UBE4B: variants seen among roughly 807,000 people sequenced by gnomAD.
The protein encoded by UBE4B is ubiquitination factor E4B.
In UBE4B, 27 loss-of-function variants were observed where a neutral mutation model predicts 148.1. The observed-to-expected ratio is 0.18, with a 90% confidence interval of 0.13 to 0.25. UBE4B has a LOEUF of 0.25. Among genes scored for constraint, UBE4B ranks in the 10% least tolerant of loss-of-function variants. UBE4B has a pLI of 1.00. For missense variants in UBE4B, 1,170 were observed against 1,662.4 expected (o/e 0.70, Z 5.15); for synonymous variants, 596 against 619.3 (o/e 0.96, Z 0.56).
At chr1:10,142,167 C>A (rs149425040) in intron 17 of UBE4B, among the ~76,000 whole-genome samples, 9 of 152,216 alleles carry the variant, frequency 5.9e-5, no homozygotes, top group South Asian at 2.1e-4. Flanking sequence ...TACCAGTGTT[C>A]CATCCTCAAA....
In UBE4B at chr1:10,033,583, T is replaced by TA; in HGVS notation, c.-87dup. On this transcript the variant is annotated 5_prime_UTR_variant, in exon 1 of 28. Coordinates refer to ENST00000343090, the MANE Select transcript of UBE4B (RefSeq NM_001105562.3). The stretch of plus-strand genomic sequence containing the variant: ...CCATTCGGGGGACCAGACAGCCTGA[T>TA]AGACACCTTCCACTCTCCTTCCTCC... 1 of 1,415,114 alleles carries TA rather than the reference T, an allele frequency of 7.1e-7. No individual in the cohort carries two copies. The highest frequency in any genetic ancestry group is 9.3e-7 in the Non-Finnish European group (1 of 1,070,190). 87.7% of individuals were successfully genotyped at this position (1,415,114 alleles called of 1,614,324 possible).
intron 3 of UBE4B, among the ~76,000 whole-genome samples, chr1:10,096,836 C>T (rs1388186119): frequency 6.6e-6 from 1 of 151,994 alleles, no homozygotes; most frequent in Non-Finnish European, 1.5e-5. Context: ...GCCAGGAGTT[C>T]AAGACCAACC....
chr1:10,180,107 T>C lies in UBE4B; in HGVS notation c.*151T>C. Reference sequence around the variant, plus strand: ...CCCAGAGCGAGCAAACGCTGAGACCTGAAAGGACATGGATGAGAAGAGGAG... The same window carrying C: ...CCCAGAGCGAGCAAACGCTGAGACCCGAAAGGACATGGATGAGAAGAGGAG... On this transcript the variant is annotated 3_prime_UTR_variant, in exon 28 of 28. Coordinates refer to ENST00000343090, the MANE Select transcript of UBE4B (RefSeq NM_001105562.3). 1.2e-6 allele frequency: 1 copy of C among 821,532 alleles called. No homozygotes were observed. Among genetic ancestry groups the C allele is most frequent in the East Asian group, 2.5e-5 (1 of 39,292 alleles). The allele number at this position is 821,532 out of a possible 1,614,324, so 50.9% of individuals were successfully genotyped here.
At position 10,149,281 on chromosome 1, in the gene UBE4B, C is replaced by T; in HGVS notation, c.2689C>T (p.Gln897Ter). ...TGCAGAATTTTTATTTTTTATTGTA[C>T]AGTAAGTGCCTTTAATATTTTACAT... ...DVAEFLFFIV[Q>*]YSPQALYEPC... Residue 897 changes from glutamine (Q) to a stop codon, truncating the protein, a stop_gained and splice_region_variant, in exon 20 of 28, where the codon CAA (glutamine) becomes TAA (stop). Transcript: ENST00000343090. LOFTEE classifies it high-confidence loss of function. 1 of 1,594,114 alleles carries T rather than the reference C, an allele frequency of 6.3e-7. No individual in the cohort carries two copies. Among genetic ancestry groups the T allele is most frequent in the Non-Finnish European group, 8.5e-7 (1 of 1,170,492 alleles).
At chr1:10,141,912 A>G (rs1258099548) in intron 17 of UBE4B, among the ~76,000 whole-genome samples, 1 of 152,226 alleles carries the variant, frequency 6.6e-6, no homozygotes, top group Non-Finnish European at 1.5e-5. Flanking sequence ...TAAGAGGTCC[A>G]GCAAAGTTAT....
intron 1 of UBE4B, among the ~76,000 whole-genome samples, chr1:10,035,309 T>C (rs1323385127): frequency 6.6e-6 from 1 of 150,838 alleles, no homozygotes; most frequent in South Asian, 2.1e-4. Flanking sequence ...TTTTATGTGG[T>C]TTTTTAAAAG....
intron 23 of UBE4B, among the ~76,000 whole-genome samples, chr1:10,162,497 G>A (rs554560960): frequency 1.3e-5 from 2 of 151,400 alleles, no homozygotes; most frequent in South Asian, 2.1e-4. Flanking sequence ...TAGTAGTGAC[G>A]GGGTTTCACC....
intron 3 of UBE4B, among the ~76,000 whole-genome samples, chr1:10,099,696 T>C (rs1429918442): frequency 6.6e-6 from 1 of 152,172 alleles, no homozygotes; most frequent in Admixed American, 6.5e-5. Context: ...AGTGGAGACA[T>C]TGACCTAGCA....
At chr1:10,160,423 T>C (rs1231189910) in intron 22 of UBE4B, among the ~76,000 whole-genome samples, 1 of 152,134 alleles carries the variant, frequency 6.6e-6, no homozygotes, top group Admixed American at 6.6e-5. Flanking sequence ...CTTAAAAACA[T>C]TGAGGGAGTG....
At chr1:10,099,084 C>CA (rs1043554959) in intron 3 of UBE4B, among the ~76,000 whole-genome samples, 13 of 151,494 alleles carry the variant, frequency 8.6e-5, no homozygotes, top group African/African-American at 1.7e-4. Context: ...ACTAAAAATA[C>CA]AAAAAAAATT....
At chr1:10,047,653 T>C (rs1006949401) in intron 1 of UBE4B, among the ~76,000 whole-genome samples, 6 of 151,884 alleles carry the variant, frequency 4.0e-5, no homozygotes, top group Admixed American at 3.9e-4. Flanking sequence ...CCACCACACC[T>C]GGCTAATTTT....
At chr1:10,088,705 G>T (rs1046680789) in intron 2 of UBE4B, among the ~76,000 whole-genome samples, 2 of 148,766 alleles carry the variant, frequency 1.3e-5, no homozygotes, top group Admixed American at 6.7e-5. Flanking sequence ...TTTGAGACAG[G>T]TTCTCCCTCT....
intron 10 of UBE4B, among the ~76,000 whole-genome samples, chr1:10,122,615 A>C (rs918098378): frequency 6.6e-6 from 1 of 152,224 alleles, no homozygotes; most frequent in African/African-American, 2.4e-5. Context: ...GTGAAAATGC[A>C]GATATGTAGT....
chr1:10,091,613 A>T (rs561364032), intron 2 of UBE4B, among the ~76,000 whole-genome samples: 5 of 149,062 alleles, frequency 3.4e-5, no homozygotes, highest in East Asian at 2.0e-4. Context: ...CCTAATTTTT[A>T]TTTTTTTTTT....
chr1:10,099,840 A>G (rs1257913388), intron 3 of UBE4B, among the ~76,000 whole-genome samples: 1 of 152,210 alleles, frequency 6.6e-6, no homozygotes, highest in African/African-American at 2.4e-5. Flanking sequence ...CACGTGACAT[A>G]GGAGCTTTCA....
At chr1:10,142,856 G>C (rs1305550573) in intron 17 of UBE4B, among the ~76,000 whole-genome samples, 2 of 151,528 alleles carry the variant, frequency 1.3e-5, no homozygotes, top group Non-Finnish European at 2.9e-5. Flanking sequence ...CTGGTGTATC[G>C]CAGCACTTTG....
At chr1:10,151,027 G>T (rs1244262176) in intron 20 of UBE4B, among the ~76,000 whole-genome samples, 2 of 151,426 alleles carry the variant, frequency 1.3e-5, no homozygotes, top group Non-Finnish European at 2.9e-5. Context: ...GCCGGGCATG[G>T]TGGCAGGTGC....
At chr1:10,132,535 C>G in intron 15 of UBE4B, 53 bp downstream of exon 15, 4 of 1,523,864 alleles carry the variant, frequency 2.6e-6, no homozygotes, top group Non-Finnish European at 3.6e-6. Context: ...TTCATCTGAC[C>G]CAGATTTAGT....
chr1:10,146,586 G>A (rs1645876945), intron 18 of UBE4B, among the ~76,000 whole-genome samples: 1 of 152,188 alleles, frequency 6.6e-6, no homozygotes, highest in Non-Finnish European at 1.5e-5. Flanking sequence ...CCCGAGGGCA[G>A]CTCGTAAGAG....
Sources: allele counts gnomAD v4.1 joint callset (sites outside exome capture counted in the v4.1 genomes callset), GRCh38; gene constraint gnomAD v4.1.1; transcripts MANE v1.5; gene names NCBI Gene and HGNC (gene_info 2026-07-23, HGNC 2026-07-21).